DOCK1: variants seen among roughly 807,000 people sequenced by gnomAD.
DOCK1 encodes the protein dedicator of cytokinesis protein 1.
DOCK1 carries 138 observed loss-of-function variants against 262.7 expected under a neutral mutation model. The observed-to-expected ratio is 0.53, with a 90% CI of 0.46 to 0.61. The LOEUF (loss-of-function observed/expected upper bound fraction) is 0.61, where lower values mean the gene tolerates loss of function less well. Ranked by LOEUF, DOCK1 falls within the 20% of genes least tolerant of loss-of-function variation. The pLI, the probability that DOCK1 is intolerant of heterozygous loss-of-function variation, is 0.00. For missense variants in DOCK1, 1,908 were observed against 2,370.7 expected, an observed-to-expected ratio of 0.80 and a Z score of 4.05; for synonymous variants, 866 against 867.4, an observed-to-expected ratio of 1.00 and a Z score of 0.03.
chr10:127,331,818 G>T (rs374583255), intron 29 of DOCK1, among the ~76,000 whole-genome samples: 1 of 152,082 alleles, frequency 6.6e-6, no homozygotes, highest in Non-Finnish European at 1.5e-5. Context: ...ACACGATGTG[G>T]CATATGCATC....
At chr10:127,222,042 G>T (rs1367133705) in intron 27 of DOCK1, among the ~76,000 whole-genome samples, 1 of 152,158 alleles carries the variant, frequency 6.6e-6, no homozygotes, top group Non-Finnish European at 1.5e-5. Flanking sequence ...ATTATGGCAG[G>T]GTGTTTGACA....
chr10:127,404,017 A>C (rs74158680), intron 39 of DOCK1, among the ~76,000 whole-genome samples: 8,856 of 152,258 alleles, frequency 0.058, 819 homozygotes, highest in African/African-American at 0.2. Flanking sequence ...AGGGCCAGCC[A>C]TTTCTATGGC....
chr10:127,413,480 C>A (rs539070398), intron 43 of DOCK1, among the ~76,000 whole-genome samples: 2 of 152,338 alleles, frequency 1.3e-5, no homozygotes, highest in South Asian at 4.1e-4. Context: ...GAGCCTGGCT[C>A]CAAGTGCAGG....
intron 13 of DOCK1, 134 bp downstream of exon 13, chr10:127,018,969 C>T: frequency 4.5e-6 from 6 of 1,341,246 alleles, no homozygotes; most frequent in Non-Finnish European, 6.0e-6. Flanking sequence ...CCCTGTAAGC[C>T]CCAGCATGGT....
intron 29 of DOCK1, among the ~76,000 whole-genome samples, chr10:127,260,649 T>A (rs2059995572): frequency 6.8e-6 from 1 of 147,498 alleles, no homozygotes; most frequent in Non-Finnish European, 1.5e-5. Flanking sequence ...GTACCCGTGC[T>A]CATCTGTGTG....
At chr10:127,096,126 G>A (rs981147464) in intron 23 of DOCK1, among the ~76,000 whole-genome samples, 2 of 152,172 alleles carry the variant, frequency 1.3e-5, no homozygotes, top group African/African-American at 4.8e-5. Context: ...AAGATATAAG[G>A]GATTGAAGCA....
At chr10:127,332,424 G>A (rs549749981) in intron 29 of DOCK1, among the ~76,000 whole-genome samples, 43 of 152,292 alleles carry the variant, frequency 2.8e-4, no homozygotes, top group Middle Eastern at 3.4e-3. Flanking sequence ...GGAAATAATA[G>A]CAATGAAATC....
At position 127,403,093 on chromosome 10, in the gene DOCK1, C is replaced by T. The variant is rs766081548; in HGVS notation, c.3966C>T (p.Ala1322=). 65 of 1,612,940 alleles carry T rather than the reference C, an allele frequency of 4.0e-5. 1 individual carries two copies. The highest frequency in any genetic ancestry group is 2.9e-4 in the South Asian group (26 of 90,594). ...CCATTGCCTTGGGCAAGGAGCTAGC[C>T]GAGCAGTATGAGAACGAAATGTTTG... ...EEAIALGKEL[A]EQYENEMFDY... Residue 1322 remains alanine, a synonymous_variant, in exon 39 of 52, where the codon GCC becomes GCT. Transcript: ENST00000623213.
chr10:127,290,616 A>G (rs2061316482), intron 29 of DOCK1, among the ~76,000 whole-genome samples: 1 of 152,142 alleles, frequency 6.6e-6, no homozygotes, highest in Non-Finnish European at 1.5e-5. Flanking sequence ...GACAACCACT[A>G]ATGCCTTCTT....
chr10:127,382,648 A>G (rs558846355), intron 37 of DOCK1, among the ~76,000 whole-genome samples: 5 of 152,326 alleles, frequency 3.3e-5, no homozygotes, highest in Non-Finnish European at 5.9e-5. Flanking sequence ...TCATTTATTC[A>G]AAACTCAAAT....
intron 47 of DOCK1, among the ~76,000 whole-genome samples, chr10:127,429,546 C>T (rs2069136583): frequency 6.6e-6 from 1 of 152,154 alleles, no homozygotes; most frequent in South Asian, 2.1e-4. Context: ...GGACATAAAC[C>T]ATTTTGTCAG....
chr10:127,061,612 C>T (rs546948011), intron 22 of DOCK1, 56 bp from the exon 23 acceptor site: 2 of 1,455,836 alleles, frequency 1.4e-6, no homozygotes, highest in East Asian at 4.9e-5. Flanking sequence ...GACATGGATT[C>T]AAAAAATGTT....
intron 1 of DOCK1, among the ~76,000 whole-genome samples, chr10:126,921,267 A>G (rs1046177631): frequency 1.3e-5 from 2 of 152,180 alleles, no homozygotes; most frequent in African/African-American, 4.8e-5. Flanking sequence ...CATTAGTCAC[A>G]ATACTTAAAA....
chr10:127,024,818 T>C (rs1168599254), intron 15 of DOCK1, 35 bp downstream of exon 15: 1 of 1,525,814 alleles, frequency 6.6e-7, no homozygotes, highest in Non-Finnish European at 8.9e-7. Context: ...CACATGGCGC[T>C]GATTATGAAA....
intron 13 of DOCK1, 40 bp downstream of exon 13, chr10:127,018,875 G>A: frequency 6.2e-7 from 1 of 1,606,860 alleles, no homozygotes; most frequent in Non-Finnish European, 8.5e-7. Context: ...GCATGGCATG[G>A]GGGTAGCCGG....
chr10:127,368,457 C>T (rs1431929180), intron 33 of DOCK1, among the ~76,000 whole-genome samples: 1 of 152,136 alleles, frequency 6.6e-6, no homozygotes, highest in Non-Finnish European at 1.5e-5. Context: ...CCTCGAGACA[C>T]CACCACAGCT....
intron 5 of DOCK1, chr10:126,988,316 T>C (rs2039557881): frequency 6.6e-6 from 1 of 152,352 alleles, no homozygotes; most frequent in East Asian, 1.9e-4. Flanking sequence ...CATATGCTAA[T>C]GTTATTACCA....
At chr10:126,918,105 A>G (rs186878239) in intron 1 of DOCK1, among the ~76,000 whole-genome samples, 58 of 152,354 alleles carry the variant, frequency 3.8e-4, no homozygotes, top group African/African-American at 1.4e-3. Context: ...TTCAACACAA[A>G]GAAGGGACTT....
At chr10:127,209,827 T>C (rs984494610) in intron 27 of DOCK1, among the ~76,000 whole-genome samples, 4 of 152,204 alleles carry the variant, frequency 2.6e-5, no homozygotes, top group Admixed American at 6.5e-5. Flanking sequence ...TGGTTATAAA[T>C]GCATGTGCTC....
Sources: allele counts gnomAD v4.1 joint callset (sites outside exome capture counted in the v4.1 genomes callset), GRCh38; gene constraint gnomAD v4.1.1; transcripts MANE v1.5; gene names NCBI Gene and HGNC (gene_info 2026-07-23, HGNC 2026-07-21).